Variants in UBE2E1 observed in about 807,000 individuals in gnomAD.
UBE2E1 encodes the protein ubiquitin-conjugating enzyme E2 E1.
In UBE2E1, 6 loss-of-function variants were observed where a neutral mutation model predicts 21.4. That is an observed-to-expected ratio of 0.28 (90% CI 0.15 to 0.55). The LOEUF is 0.55. Ranked by LOEUF, UBE2E1 falls within the 20% of genes least tolerant of loss-of-function variation. The pLI is 0.93. For missense variants in UBE2E1, 142 were observed against 236.5 expected (o/e 0.60, Z 2.62); for synonymous variants, 87 against 82.7 (o/e 1.05, Z -0.28).
chr3:23,887,545 T>G lies in UBE2E1; in HGVS notation c.204-22T>G, dbSNP rs1701216467. On this transcript the variant is annotated intron_variant, in intron 3 of 5. Coordinates refer to ENST00000306627, the MANE Select transcript of UBE2E1 (RefSeq NM_003341.5). This position sits in a 1 kb window ranked among gnomAD's most constrained non-coding sequence, Gnocchi z 4.4. ...TTGGGATAGTGCCACCATCTGCTTATTTGTTGACGTATTATTCACAGTGCT... is the reference window on the plus strand; with the variant it reads ...TTGGGATAGTGCCACCATCTGCTTAGTTGTTGACGTATTATTCACAGTGCT... The G allele has an allele frequency of 3.8e-6, 6 of 1,594,556 alleles. No homozygotes were observed. Among genetic ancestry groups the G allele is most frequent in the Non-Finnish European group, 5.1e-6 (6 of 1,174,564 alleles).
chr3:23,806,848 A>C lies in UBE2E1; in HGVS notation c.-33-389A>C. 1 of 154,830 alleles carries C rather than the reference A, an allele frequency of 6.5e-6. No individual in the cohort carries two copies. The highest frequency in any genetic ancestry group is 1.4e-5 in the Non-Finnish European group (1 of 70,520). The allele number at this position is 154,830 out of a possible 1,614,324, so 9.6% of individuals were successfully genotyped here. A position where few individuals can be genotyped will look rare whatever the true frequency, so the allele number is the denominator to read the frequency against. On this transcript the variant is annotated intron_variant, in intron 1 of 5. Transcript: ENST00000306627. This position sits in a 1 kb window ranked among gnomAD's most constrained non-coding sequence, Gnocchi z 6.5. ...GCCACCGGCCCCTCACGACCCCCGG[A>C]AAGCGGACAAAAACAGCCCCGAGGC...
chr3:23,864,246 C>T (rs1286641471), intron 3 of UBE2E1, among the ~76,000 whole-genome samples: 3 of 152,110 alleles, frequency 2.0e-5, no homozygotes, highest in Admixed American at 6.5e-5. Context: ...GGGTTTCTTA[C>T]ACATTACTTT....
chr3:23,845,773 C>T (rs1427907181), intron 3 of UBE2E1, among the ~76,000 whole-genome samples: 1 of 152,118 alleles, frequency 6.6e-6, no homozygotes, highest in Non-Finnish European at 1.5e-5. Context: ...ACCCATAGTA[C>T]AAAAGCAGCC....
chr3:23,878,186 A>G (rs1205827566), intron 3 of UBE2E1, among the ~76,000 whole-genome samples: 1 of 152,146 alleles, frequency 6.6e-6, no homozygotes, highest in African/African-American at 2.4e-5. Context: ...GACGCACTAC[A>G]TTTACTCATC....
intron 3 of UBE2E1, among the ~76,000 whole-genome samples, chr3:23,840,719 T>C (rs979276528): frequency 6.6e-6 from 1 of 152,226 alleles, no homozygotes; most frequent in Non-Finnish European, 1.5e-5. Context: ...TGTCCTCTCA[T>C]GCATGTGCTA....
intron 3 of UBE2E1, among the ~76,000 whole-genome samples, chr3:23,824,333 TG>T (rs1304960736): frequency 2.0e-5 from 3 of 152,200 alleles, no homozygotes; most frequent in Non-Finnish European, 4.4e-5. Flanking sequence ...ATATTGATAA[TG>T]AATTTGTGAA....
intron 3 of UBE2E1, among the ~76,000 whole-genome samples, chr3:23,859,681 G>T (rs149413251): frequency 2.4e-4 from 37 of 152,282 alleles, no homozygotes; most frequent in Non-Finnish European, 4.7e-4. Flanking sequence ...TTCCTCTAAT[G>T]CAAAACAGAG....
intron 3 of UBE2E1, among the ~76,000 whole-genome samples, chr3:23,815,519 C>T (rs2125282523): frequency 6.6e-6 from 1 of 152,318 alleles, no homozygotes; most frequent in South Asian, 2.1e-4. Context: ...ACTTTGTATA[C>T]TTCCACGTAG....
rs1293613840 is a variant in UBE2E1, at chr3:23,806,700, C to T, written c.-33-537C>T. The T allele has an allele frequency of 6.6e-6, 1 of 151,650 alleles. No individual in the cohort carries two copies. The highest frequency in any genetic ancestry group is 6.6e-5 in the Admixed American group (1 of 15,258). 9.4% of individuals were successfully genotyped at this position (151,650 alleles called of 1,614,324 possible). A position where few individuals can be genotyped will look rare whatever the true frequency, so the allele number is the denominator to read the frequency against. ...TGCCCCCCGCCGGCCTCTCCCTTCC[C>T]CCACCCGGGCACCCGCTCCCCGCCT... On this transcript the variant is annotated intron_variant, in intron 1 of 5. Coordinates refer to ENST00000306627, the MANE Select transcript of UBE2E1 (RefSeq NM_003341.5). This position sits in a 1 kb window ranked among gnomAD's most constrained non-coding sequence, Gnocchi z 6.5.
Position 23,819,260 on chromosome 3 carries a change from G to A in UBE2E1, c.203+7750G>A, listed in dbSNP as rs149150475. Among the ~76,000 whole-genome samples the A allele has an allele frequency of 2.7e-3, 405 of 152,120 alleles. 9 individuals are homozygous for A. The highest frequency in any genetic ancestry group is 0.018 in the Admixed American group (277 of 15,282). On this transcript the variant is annotated intron_variant, in intron 3 of 5. Transcript: ENST00000306627. Reference sequence around the variant, plus strand: ...GATTGCGCCACTGCACTCCAGCCTGGGTGACAGAGCGAGACGCCATCTCAA... The same window carrying A: ...GATTGCGCCACTGCACTCCAGCCTGAGTGACAGAGCGAGACGCCATCTCAA...
At chr3:23,881,612 G>A (rs1559494231) in intron 3 of UBE2E1, among the ~76,000 whole-genome samples, 1 of 152,180 alleles carries the variant, frequency 6.6e-6, no homozygotes, top group Admixed American at 6.5e-5. Flanking sequence ...AGATGACCCA[G>A]TTTAGAGAAT....
intron 3 of UBE2E1, among the ~76,000 whole-genome samples, chr3:23,868,947 A>G (rs1245958082): frequency 6.6e-6 from 1 of 152,166 alleles, no homozygotes; most frequent in Non-Finnish European, 1.5e-5. Flanking sequence ...ATACTGTCAT[A>G]TGGTTGTACT....
intron 3 of UBE2E1, among the ~76,000 whole-genome samples, chr3:23,865,603 C>T (rs1462302435): frequency 2.6e-5 from 4 of 152,302 alleles, no homozygotes; most frequent in East Asian, 1.9e-4. Context: ...GTCTGCCTGC[C>T]TCGGACTTCC....
rs1699317556 is a variant in UBE2E1 at position 23,808,214 on chromosome 3, T to G, written c.152+793T>G. On this transcript the variant is annotated intron_variant, in intron 2 of 5. Coordinates refer to ENST00000306627, the MANE Select transcript of UBE2E1 (RefSeq NM_003341.5). This position sits in a 1 kb window ranked among gnomAD's most constrained non-coding sequence, Gnocchi z 4.9. ...TAGCTACTTTTTATCCCTGCCATCCTAAGCGGTCACCCTTTTTCTTTATTC... is the reference window on the plus strand; with the variant it reads ...TAGCTACTTTTTATCCCTGCCATCCGAAGCGGTCACCCTTTTTCTTTATTC... Among the ~76,000 whole-genome samples, 1 of 152,224 alleles carries G rather than the reference T, an allele frequency of 6.6e-6. No individual in the cohort carries two copies.
At chr3:23,850,023 T>G (rs1483918925) in intron 3 of UBE2E1, among the ~76,000 whole-genome samples, 1 of 152,224 alleles carries the variant, frequency 6.6e-6, no homozygotes, top group Non-Finnish European at 1.5e-5. Flanking sequence ...GTTGAACATC[T>G]TTTTCATGTG....
In UBE2E1 at chr3:23,889,101, G is replaced by GTT. The variant is rs377584053; in HGVS notation, c.337-4_337-3dup. 3 of 1,582,438 alleles carry GTT rather than the reference G, an allele frequency of 1.9e-6. No individual in the cohort carries two copies. The highest frequency in any genetic ancestry group is 2.7e-5 in the African/African-American group (2 of 73,362). ...GCTGTTTAAATATTGTCTGTCACTT[G>GTT]TTTTTTTTAGGTTACATTTCGGACA... On this transcript the variant is annotated splice_polypyrimidine_tract_variant and intron_variant, in intron 4 of 5. Coordinates refer to ENST00000306627, the MANE Select transcript of UBE2E1 (RefSeq NM_003341.5).
Position 23,843,181 on chromosome 3 carries a change from A to G in UBE2E1, c.203+31671A>G, listed in dbSNP as rs1361773962. ...TCCCCCCAGACTAAGTTTTGTTGAG[A>G]GTAGTGACAGGGACAGAGGCAAGAC... On this transcript the variant is annotated intron_variant, in intron 3 of 5. Transcript: ENST00000306627. Among the ~76,000 whole-genome samples, 6 of 151,930 alleles carry G rather than the reference A, an allele frequency of 3.9e-5. No homozygotes were observed. The South Asian group carries it at 8.3e-4, about 21-fold the overall frequency.
intron 3 of UBE2E1, among the ~76,000 whole-genome samples, chr3:23,855,578 C>T (rs1397983431): frequency 1.3e-5 from 2 of 152,072 alleles, no homozygotes; most frequent in Admixed American, 6.6e-5. Context: ...ACCTGTAATC[C>T]CAGCACTTTG....
intron 3 of UBE2E1, among the ~76,000 whole-genome samples, chr3:23,844,392 C>G (rs1205778610): frequency 2.0e-5 from 3 of 152,202 alleles, no homozygotes; most frequent in Non-Finnish European, 1.5e-5. Context: ...AGCTCTCTCC[C>G]TGTTGCTATG....
Sources: gnomAD v4.1 joint callset for allele counts (sites outside exome capture counted in the v4.1 genomes callset) on GRCh38, gnomAD v4.1.1 for gene constraint, Gnocchi (gnomAD v3.1) non-coding constraint, MANE v1.5 for transcripts, NCBI Gene and HGNC (gene_info 2026-07-23, HGNC 2026-07-21) for gene names.